Variants in EPC2 observed in about 807,000 individuals in gnomAD.
EPC2 encodes enhancer of polycomb 2, also known as enhancer of polycomb homolog 2.
Under a neutral mutation model 92.1 loss-of-function variants are expected in EPC2, and 14 were observed. The ratio of observed to expected loss-of-function variants is 0.15; its 90% CI spans 0.10 to 0.24. EPC2 has a LOEUF of 0.24. Among genes scored for constraint, EPC2 ranks in the 10% least tolerant of loss-of-function variants. The probability of loss-of-function intolerance (pLI) is 1.00; values close to 1 mark genes in which losing one functional copy is unlikely to be tolerated. For synonymous variants in EPC2, 340 were observed against 334.7 expected (o/e 1.02, Z -0.17); for missense variants, 755 against 971.5 (o/e 0.78, Z 2.96).
chr2:148,691,693 AC>A, intron 2 of EPC2: 2 of 1,355,266 alleles, frequency 1.5e-6, no homozygotes, highest in Non-Finnish European at 2.1e-6. Context: ...TTGTTTTTGG[AC>A]CACAGTATTA....
At chr2:148,729,031 CAAAA>C (rs376309552) in intron 2 of EPC2, among the ~76,000 whole-genome samples, 51 of 63,654 alleles carry the variant, frequency 8.0e-4, no homozygotes, top group Non-Finnish European at 1.3e-3. Flanking sequence ...AACTCCATCT[CAAAA>C]AAAAAAAAAA....
chr2:148,691,813 C>A, intron 2 of EPC2: 1 of 686,156 alleles, frequency 1.5e-6, no homozygotes, highest in Non-Finnish European at 2.7e-6. Flanking sequence ...TTTGCTTTCC[C>A]TTTCTGCATG....
chr2:148,737,371 G>A (rs551625939), intron 2 of EPC2, among the ~76,000 whole-genome samples: 1 of 151,980 alleles, frequency 6.6e-6, no homozygotes, highest in Non-Finnish European at 1.5e-5. Context: ...ATTCAAAGAG[G>A]TCTAGTTATT....
intron 2 of EPC2, among the ~76,000 whole-genome samples, chr2:148,710,264 G>A (rs1682108924): frequency 6.6e-6 from 1 of 152,198 alleles, no homozygotes; most frequent in Admixed American, 6.5e-5. Context: ...ATCATCACTG[G>A]TCATCAGAGA....
chr2:148,686,433 A>G (rs1655794625), intron 1 of EPC2, among the ~76,000 whole-genome samples: 1 of 152,216 alleles, frequency 6.6e-6, no homozygotes, highest in South Asian at 2.1e-4. Flanking sequence ...ATCCATGAGG[A>G]TTAGAATTCC....
intron 4 of EPC2, among the ~76,000 whole-genome samples, chr2:148,760,411 A>T (rs1432303349): frequency 6.6e-6 from 1 of 152,126 alleles, no homozygotes; most frequent in South Asian, 2.1e-4. Context: ...ATGTAACCTC[A>T]TATTATTATC....
intron 2 of EPC2, among the ~76,000 whole-genome samples, chr2:148,733,474 T>C (rs919303837): frequency 1.4e-5 from 2 of 141,162 alleles, no homozygotes; most frequent in African/African-American, 2.6e-5. Flanking sequence ...TCTTTCTCTC[T>C]CTGGATTTTT....
chr2:148,690,794 T>A (rs1409024530), intron 2 of EPC2, among the ~76,000 whole-genome samples: 1 of 152,044 alleles, frequency 6.6e-6, no homozygotes, highest in African/African-American at 2.4e-5. Context: ...TACTGAGTAG[T>A]TGGGATTACA....
chr2:148,713,437 A>T (rs532238550), intron 2 of EPC2, among the ~76,000 whole-genome samples: 37 of 152,320 alleles, frequency 2.4e-4, no homozygotes, highest in African/African-American at 8.4e-4. Context: ...CTGTGGTGTT[A>T]CAAAAGAGAC....
chr2:148,737,290 A>T (rs1682776646), intron 2 of EPC2, among the ~76,000 whole-genome samples: 1 of 152,062 alleles, frequency 6.6e-6, no homozygotes, highest in African/African-American at 2.4e-5. Flanking sequence ...TTTTTTCAAC[A>T]CGTTATTTCA....
At chr2:148,669,346 A>C (rs1363209993) in intron 1 of EPC2, among the ~76,000 whole-genome samples, 1 of 152,058 alleles carries the variant, frequency 6.6e-6, no homozygotes, top group Admixed American at 6.6e-5. Context: ...TTGTATTCCT[A>C]TAAATGTCCT....
At chr2:148,703,672 C>T (rs1574592757) in intron 2 of EPC2, among the ~76,000 whole-genome samples, 1 of 152,022 alleles carries the variant, frequency 6.6e-6, no homozygotes, top group African/African-American at 2.4e-5. Context: ...GGGACTACAG[C>T]TGTGCACCAC....
intron 1 of EPC2, among the ~76,000 whole-genome samples, chr2:148,687,076 TC>T: frequency 6.6e-6 from 1 of 152,232 alleles, no homozygotes; most frequent in East Asian, 1.9e-4. Flanking sequence ...GTAGCCACCT[TC>T]ATCAGTGATC....
chr2:148,691,370 G>A (rs770218723), intron 2 of EPC2, among the ~76,000 whole-genome samples: 1 of 152,224 alleles, frequency 6.6e-6, no homozygotes, highest in African/African-American at 2.4e-5. Flanking sequence ...CCTAGCTGAA[G>A]TATCCACCTG....
intron 2 of EPC2, among the ~76,000 whole-genome samples, chr2:148,737,810 C>T (rs1418408312): frequency 2.0e-5 from 3 of 150,812 alleles, no homozygotes; most frequent in Admixed American, 6.6e-5. Flanking sequence ...AGCCGATGAG[C>T]TTAAAAAAAA....
In EPC2 at chr2:148,726,943, C is replaced by T. The variant is rs1282248349; in HGVS notation, c.314-16679C>T. Among the ~76,000 whole-genome samples the T allele has an allele frequency of 2.6e-5, 4 of 151,742 alleles. No individual in the cohort carries two copies. In the South Asian group the frequency reaches 6.2e-4, roughly 24 times the overall value. On this transcript the variant is annotated intron_variant, in intron 2 of 13. Transcript: ENST00000258484. ...GAGGTTTTTTAGTTTGATGTAATGC[C>T]ATTTGTCTGTTTTTTCTTTGTTACT...
At chr2:148,724,216 A>T (rs974348302) in intron 2 of EPC2, among the ~76,000 whole-genome samples, 2 of 152,008 alleles carry the variant, frequency 1.3e-5, no homozygotes, top group Non-Finnish European at 2.9e-5. Flanking sequence ...TTATTTTTTT[A>T]AAAATAAATT....
At position 148,644,956 on chromosome 2, in the gene EPC2, T is replaced by TG; in HGVS notation, c.-62_-61insG. On this transcript the variant is annotated 5_prime_UTR_variant, in exon 1 of 14. Transcript: ENST00000258484. Reference sequence around the variant, plus strand: ...GAGGTGGAGGAGGCGGCGGGAGTCCTCCCCCCCTCCCCGCCCGCCCCGCCG... The same window carrying TG: ...GAGGTGGAGGAGGCGGCGGGAGTCCTGCCCCCCCTCCCCGCCCGCCCCGCCG... 2.9e-6 allele frequency: 4 copies of TG among 1,392,296 alleles called. No homozygotes were observed. The highest frequency in any genetic ancestry group is 4.0e-6 in the Non-Finnish European group (4 of 1,012,500). The allele number at this position is 1,392,296 out of a possible 1,614,324, so 86.2% of individuals were successfully genotyped here. A position where few individuals can be genotyped will look rare whatever the true frequency, so the allele number is the denominator to read the frequency against.
chr2:148,745,202 C>T (rs144518058), intron 3 of EPC2, among the ~76,000 whole-genome samples: 26 of 152,090 alleles, frequency 1.7e-4, no homozygotes, highest in African/African-American at 6.3e-4. Flanking sequence ...TCGCAGGCAT[C>T]AGGTAAAGTT....
Sources: gnomAD v4.1 joint callset for allele counts (sites outside exome capture counted in the v4.1 genomes callset) on GRCh38, gnomAD v4.1.1 for gene constraint, MANE v1.5 for transcripts, NCBI Gene and HGNC (gene_info 2026-07-23, HGNC 2026-07-21) for gene names.